The following RASL10B variants were observed in gnomAD, a reference collection of about 807,000 sequenced individuals.
The protein encoded by RASL10B is ras-like protein family member 10B.
A neutral mutation model predicts 20.7 loss-of-function variants in RASL10B; 10 were observed. The observed-to-expected ratio is 0.48, with a 90% confidence interval of 0.30 to 0.82. RASL10B has a LOEUF of 0.82. RASL10B is among the 40% of genes least tolerant of loss of function. The pLI, the probability that RASL10B is intolerant of heterozygous loss-of-function variation, is 0.07. For missense variants in RASL10B, 231 were observed against 295.4 expected (o/e 0.78, Z 1.60); for synonymous variants, 110 against 123.3 (o/e 0.89, Z 0.72).
chr17:35,737,033 C>T (rs1207460286), intron 2 of RASL10B: 1 of 152,246 alleles, frequency 6.6e-6, no homozygotes, highest in African/African-American at 2.4e-5. Context: ...GGATTATAGG[C>T]ATGAGCCACC....
At position 35,741,026 on chromosome 17, in the gene RASL10B, G is replaced by A. The variant is rs1555597857; in HGVS notation, c.342-9G>A. 9 of 1,583,314 alleles carry A rather than the reference G, an allele frequency of 5.7e-6. No individual in the cohort carries two copies. Among genetic ancestry groups the A allele is most frequent in the Non-Finnish European group, 7.8e-6 (9 of 1,159,522 alleles). ...GACAGAGTTCTGAGCTGCCTGCCTC[G>A]CCCCACAGGGTGATCGGAACCTCAG... On this transcript the variant is annotated splice_polypyrimidine_tract_variant and intron_variant, in intron 3 of 3. Coordinates refer to ENST00000603017, the MANE Select transcript of RASL10B (RefSeq NM_033315.4).
In RASL10B at chr17:35,740,552, G is replaced by A. The variant is rs1555597767; in HGVS notation, c.341+19G>A. ...AGACGAGGTGAGAGGCTGGAACACA[G>A]TCCATTGCCACCTCTGTGGATGCCC... On this transcript the variant is annotated intron_variant, in intron 3 of 3. Coordinates refer to ENST00000603017, the MANE Select transcript of RASL10B (RefSeq NM_033315.4). 43 of 1,609,752 alleles carry A rather than the reference G, an allele frequency of 2.7e-5. No homozygotes were observed. The highest frequency in any genetic ancestry group is 3.7e-5 in the Non-Finnish European group (43 of 1,177,268).
intron 1 of RASL10B, among the ~76,000 whole-genome samples, chr17:35,732,522 A>T (rs1555596501): frequency 6.6e-6 from 1 of 152,178 alleles, no homozygotes; most frequent in Non-Finnish European, 1.5e-5. Flanking sequence ...TCTGCCTGGA[A>T]AGAAGGAAGG....
intron 1 of RASL10B, among the ~76,000 whole-genome samples, chr17:35,732,814 A>G (rs782617798): frequency 3.3e-5 from 5 of 152,036 alleles, no homozygotes; most frequent in Non-Finnish European, 5.9e-5. Flanking sequence ...TTCCTCCCCT[A>G]GGACTCCCCA....
intron 2 of RASL10B, among the ~76,000 whole-genome samples, chr17:35,739,746 A>T (rs1259222251): frequency 6.6e-6 from 1 of 152,176 alleles, no homozygotes; most frequent in African/African-American, 2.4e-5. Context: ...GGCCATGGAG[A>T]GCTCACCAGC....
chr17:35,741,275 G>T lies in RASL10B; in HGVS notation c.582G>T (p.Ala194=). ...ACGCTGCCCTGCGCTTCCAGGGCGC[G>T]CTGCGCCGCAACCGCTGCGCCATCA... is the stretch of plus-strand genomic sequence containing the variant. The part of the protein sequence containing the change: ...HVHAALRFQG[A]LRRNRCAIM The change falls in exon 4 of 4, where the codon GCG becomes GCT. Residue 194 remains alanine, a synonymous_variant. Transcript: ENST00000603017. 1 of 1,535,244 alleles carries T rather than the reference G, an allele frequency of 6.5e-7. No individual in the cohort carries two copies. The highest frequency in any genetic ancestry group is 8.8e-7 in the Non-Finnish European group (1 of 1,138,776).
intron 2 of RASL10B, among the ~76,000 whole-genome samples, chr17:35,737,605 G>A (rs2085601530): frequency 6.6e-6 from 1 of 152,052 alleles, no homozygotes. Flanking sequence ...CCTGGAAATG[G>A]CATTGTGAAT....
intron 2 of RASL10B, among the ~76,000 whole-genome samples, chr17:35,738,838 GCAGCTGCTCCCTCTCCCCAGCAGA>G (rs2085611275): frequency 6.6e-6 from 1 of 152,216 alleles, no homozygotes; most frequent in African/African-American, 2.4e-5. Flanking sequence ...TCAAAAGCTG[GCAGCTGCTCCCTCTCCCCAGCAGA>G]CAGCTTGAAG....
intron 1 of RASL10B, among the ~76,000 whole-genome samples, 169 bp downstream of exon 1, chr17:35,732,047 G>A (rs1249799944): frequency 1.3e-5 from 2 of 151,742 alleles, no homozygotes; most frequent in African/African-American, 4.8e-5. Context: ...GGGCCGCCAC[G>A]TGAGAGCTGG....
chr17:35,741,231 G>C lies in RASL10B; in HGVS notation c.538G>C (p.Ala180Pro). The change falls in exon 4 of 4, where the codon GCC becomes CCC. Residue 180 changes from alanine to proline, a missense_variant. By Grantham distance (27) the Ala-to-Pro change is conservative. Coordinates refer to ENST00000603017, the MANE Select transcript of RASL10B (RefSeq NM_033315.4). The stretch of plus-strand genomic sequence containing the variant: ...CGAGCTGCTCAAGAGCGTCGGCTGC[G>C]CCCGTTGCAAGCACGTGCACGCTGC... ...FSELLKSVGCARCKHVHAALR... is the reference protein window; with the variant it reads ...FSELLKSVGCPRCKHVHAALR... 1 of 1,607,202 alleles carries C rather than the reference G, an allele frequency of 6.2e-7. No individual in the cohort carries two copies. Among genetic ancestry groups the C allele is most frequent in the Non-Finnish European group, 8.5e-7 (1 of 1,177,194 alleles).
At chr17:35,731,928 C>A (rs2085560194) in intron 1 of RASL10B, 50 bp downstream of exon 1, 1 of 140,106 alleles carries the variant, frequency 7.1e-6, no homozygotes, top group Non-Finnish European at 1.6e-5. Flanking sequence ...GGGGCCGGGT[C>A]AGGGGCTCGG....
intron 3 of RASL10B, 80 bp downstream of exon 3, chr17:35,740,613 T>C: frequency 6.6e-7 from 1 of 1,505,386 alleles, no homozygotes; most frequent in Non-Finnish European, 9.1e-7. Context: ...GGGCACAGTA[T>C]AGGGACACAG....
chr17:35,741,207 G>A lies in RASL10B; in HGVS notation c.514G>A (p.Glu172Lys), dbSNP rs1051615530. ...YNWHILLLFS[E>K]LLKSVGCARC... ...CTGGCACATCCTGCTGCTCTTCAGC[G>A]AGCTGCTCAAGAGCGTCGGCTGCGC... is the stretch of plus-strand genomic sequence containing the variant. The change falls in exon 4 of 4, where the codon GAG (glutamate) becomes AAG (lysine). Residue 172 changes from glutamate (E) to lysine (K), a missense_variant. Physicochemically the swap from Glu to Lys is moderately conservative, Grantham distance 56. Coordinates refer to ENST00000603017, the MANE Select transcript of RASL10B (RefSeq NM_033315.4). The A allele has an allele frequency of 1.1e-5, 18 of 1,612,876 alleles. No individual in the cohort carries two copies. The highest frequency in any genetic ancestry group is 1.4e-5 in the Non-Finnish European group (17 of 1,179,920).
At chr17:35,733,193 A>G (rs2085570030) in intron 1 of RASL10B, among the ~76,000 whole-genome samples, 1 of 152,298 alleles carries the variant, frequency 6.6e-6, no homozygotes, top group South Asian at 2.1e-4. Context: ...CTCATGCAAC[A>G]GTAGATAGCA....
Position 35,741,461 on chromosome 17 carries a change from A to T in RASL10B, c.*156A>T. 8.6e-7 allele frequency: 1 copy of T among 1,168,772 alleles called. No individual in the cohort carries two copies. 72.4% of individuals were successfully genotyped at this position (1,168,772 alleles called of 1,614,324 possible). On this transcript the variant is annotated 3_prime_UTR_variant, in exon 4 of 4. Transcript: ENST00000603017. ...ACCTCCCGGTGAGAAGCAGAGCGCG[A>T]GAGGGAGCCCTCCGTAACTGCCCAG...
rs1447010666 is a variant in RASL10B at position 35,742,330 on chromosome 17, ACT to A, written c.*1028_*1029del. 12 of 152,066 alleles carry A rather than the reference ACT, an allele frequency of 7.9e-5. No individual in the cohort carries two copies. The highest frequency in any genetic ancestry group is 2.9e-4 in the African/African-American group (12 of 41,270). The allele number at this position is 152,066 out of a possible 1,614,324, so 9.4% of individuals were successfully genotyped here. On this transcript the variant is annotated 3_prime_UTR_variant, in exon 4 of 4. Transcript: ENST00000603017. ...TCTCAACCCCATCTGACTACCCCAG[ACT>A]CTGCCTGCCTCAGATCTCAGACTAT...
chr17:35,733,416 G>GC (rs1464414343), intron 1 of RASL10B, among the ~76,000 whole-genome samples: 3 of 152,212 alleles, frequency 2.0e-5, no homozygotes, highest in African/African-American at 7.2e-5. Context: ...TCAAGCCCTG[G>GC]CGGTTCTCAT....
chr17:35,738,475 A>G (rs2085608983), intron 2 of RASL10B, among the ~76,000 whole-genome samples: 1 of 152,148 alleles, frequency 6.6e-6, no homozygotes. Flanking sequence ...TGTGAGCCTC[A>G]GTGTCTTCTG....
rs1455466977 is a variant in RASL10B at position 35,743,170 on chromosome 17, T to C, written c.*1865T>C. Reference sequence around the variant, plus strand: ...ACAAAGAGGGCCTGCCCCTTTAGTCTCCTGCACCCCTGCCCCCTGGTTCAC... The same window carrying C: ...ACAAAGAGGGCCTGCCCCTTTAGTCCCCTGCACCCCTGCCCCCTGGTTCAC... On this transcript the variant is annotated 3_prime_UTR_variant, in exon 4 of 4. Transcript: ENST00000603017. 6.6e-6 allele frequency: 1 copy of C among 152,670 alleles called. No individual in the cohort carries two copies. Among genetic ancestry groups the C allele is most frequent in the Non-Finnish European group, 1.5e-5 (1 of 68,128 alleles). 9.5% of individuals were successfully genotyped at this position (152,670 alleles called of 1,614,324 possible). A position where few individuals can be genotyped will look rare whatever the true frequency, so the allele number is the denominator to read the frequency against.
Sources: allele counts gnomAD v4.1 joint callset (sites outside exome capture counted in the v4.1 genomes callset), GRCh38; gene constraint gnomAD v4.1.1; transcripts MANE v1.5; gene names NCBI Gene and HGNC (gene_info 2026-07-23, HGNC 2026-07-21).